The following FXN variants were observed in gnomAD, a reference collection of about 807,000 sequenced individuals.
FXN encodes the protein frataxin, mitochondrial.
In FXN, 14 loss-of-function variants were observed where a neutral mutation model predicts 22.4. The observed-to-expected ratio is 0.62, with a 90% CI of 0.41 to 0.98. The LOEUF (loss-of-function observed/expected upper bound fraction) is 0.98, where lower values mean the gene tolerates loss of function less well. Ranked by LOEUF, FXN falls within the 50% of genes least tolerant of loss-of-function variation. The pLI, the probability that FXN is intolerant of heterozygous loss-of-function variation, is 0.00. For synonymous variants in FXN, 120 were observed against 114.1 expected, an observed-to-expected ratio of 1.05 and a Z score of -0.33; for missense variants, 267 against 268.4, an observed-to-expected ratio of 0.99 and a Z score of 0.04.
intron 4 of FXN, 98 bp downstream of exon 4, chr9:69,065,133 G>A (rs951282908): frequency 3.4e-6 from 3 of 894,684 alleles, no homozygotes; most frequent in South Asian, 1.4e-5. Flanking sequence ...GAGCACAGTG[G>A]CTGACACCTG....
chr9:69,038,247 T>C (rs1478824995), intron 1 of FXN, among the ~76,000 whole-genome samples: 1 of 152,220 alleles, frequency 6.6e-6, no homozygotes, highest in African/African-American at 2.4e-5. Context: ...GCCACCATCC[T>C]GTTTAATTAT....
At chr9:69,054,304 G>A (rs1433971961) in intron 3 of FXN, among the ~76,000 whole-genome samples, 2 of 152,178 alleles carry the variant, frequency 1.3e-5, no homozygotes, top group Non-Finnish European at 2.9e-5. Context: ...CCGGCCTGGT[G>A]TGAGAACTTC....
intron 2 of FXN, among the ~76,000 whole-genome samples, chr9:69,047,277 A>G (rs185601450): frequency 6.6e-6 from 1 of 152,096 alleles, no homozygotes; most frequent in East Asian, 1.9e-4. Context: ...TCCAGGTGAC[A>G]TGCAGTCTCC....
At chr9:69,039,395 C>CACCA (rs1245181723) in intron 1 of FXN, among the ~76,000 whole-genome samples, 10 of 152,186 alleles carry the variant, frequency 6.6e-5, no homozygotes, top group African/African-American at 2.2e-4. Context: ...GGCTGGTGAC[C>CACCA]ACCACATGGG....
rs764728893 is a variant in FXN at position 69,072,594 on chromosome 9, A to C, written c.483-18A>C. 1 of 1,613,990 alleles carries C rather than the reference A, an allele frequency of 6.2e-7. No homozygotes were observed. The highest frequency in any genetic ancestry group is 1.1e-5 in the South Asian group (1 of 91,074). ...GGGCTGTGCTGTGGAATTACTATGC[A>C]TTTGTTTTGTCTTCCAGTGGACCTA... is the stretch of plus-strand genomic sequence containing the variant. On this transcript the variant is annotated intron_variant, in intron 4 of 4. Transcript: ENST00000484259.
At chr9:69,056,911 T>C (rs993729366) in intron 3 of FXN, among the ~76,000 whole-genome samples, 1 of 141,512 alleles carries the variant, frequency 7.1e-6, no homozygotes, top group African/African-American at 2.5e-5. Flanking sequence ...CCTGGCTAAT[T>C]TTTTTATATT....
At chr9:69,067,651 A>G (rs1382977128) in intron 4 of FXN, among the ~76,000 whole-genome samples, 2 of 152,220 alleles carry the variant, frequency 1.3e-5, no homozygotes, top group Non-Finnish European at 2.9e-5. Context: ...ATTATCAACA[A>G]TAAAGATCAT....
chr9:69,052,049 T>C (rs1034198775), intron 2 of FXN, among the ~76,000 whole-genome samples: 6 of 151,956 alleles, frequency 3.9e-5, no homozygotes, highest in African/African-American at 9.7e-5. Flanking sequence ...GGTTTCACCA[T>C]GTCAGCCAGG....
Position 69,078,699 on chromosome 9 carries a change from C to G in FXN, c.*5937C>G, listed in dbSNP as rs1832415146. 1 of 985,534 alleles carries G rather than the reference C, an allele frequency of 1.0e-6. No individual in the cohort carries two copies. Among genetic ancestry groups the G allele is most frequent in the African/African-American group, 1.7e-5 (1 of 57,250 alleles). 61.0% of individuals were successfully genotyped at this position (985,534 alleles called of 1,614,324 possible). ...TGTGCTGTGCTATTTTCACGTGGCT[C>G]TCAGACTTGGCCAGTGCTGTTTCCA... On this transcript the variant is annotated 3_prime_UTR_variant, in exon 5 of 5. Coordinates refer to ENST00000484259, the MANE Select transcript of FXN (RefSeq NM_000144.5).
Position 69,035,933 on chromosome 9 carries a change from A to C in FXN, c.151A>C (p.Thr51Pro). Residue 51 changes from threonine to proline, a missense_variant, in exon 1 of 5, where the codon ACG becomes CCG. Physicochemically the swap from Thr to Pro is conservative, Grantham distance 38. Transcript: ENST00000484259. ...GLRTDIDATC[T>P]PRRASSNQRG... ...GCGCACCGACATCGATGCGACCTGC[A>C]CGCCCCGCCGCGCAGTAAGTATCCG... The C allele has an allele frequency of 6.8e-7, 1 of 1,469,076 alleles. No individual in the cohort carries two copies. The highest frequency in any genetic ancestry group is 9.0e-7 in the Non-Finnish European group (1 of 1,115,884). 91.0% of individuals were successfully genotyped at this position (1,469,076 alleles called of 1,614,324 possible).
intron 3 of FXN, among the ~76,000 whole-genome samples, chr9:69,060,314 T>C (rs1832046394): frequency 1.3e-5 from 2 of 149,730 alleles, no homozygotes; most frequent in Middle Eastern, 3.4e-3. Context: ...GAGCTTGCAG[T>C]GAACCAAGAT....
At chr9:69,059,076 A>G (rs1362661441) in intron 3 of FXN, among the ~76,000 whole-genome samples, 1 of 152,124 alleles carries the variant, frequency 6.6e-6, no homozygotes, top group Non-Finnish European at 1.5e-5. Context: ...TTAAAAAAAA[A>G]GAAAAGAAAA....
In FXN at chr9:69,056,860, A is replaced by G. The variant is rs536403760; in HGVS notation, c.384+3600A>G. Among the ~76,000 whole-genome samples the G allele has an allele frequency of 2.8e-5, 4 of 142,114 alleles. No individual in the cohort carries two copies. The South Asian group carries it at 8.6e-4, about 31-fold the overall frequency. 93.2% of individuals were successfully genotyped at this position (142,114 alleles called of 152,430 possible). On this transcript the variant is annotated intron_variant, in intron 3 of 4. Transcript: ENST00000484259. ...TGGGTTCAAGTGATTCTCTTGCCTC[A>G]GCCTCCCGAGTAGCTGGGATTACAG...
intron 4 of FXN, among the ~76,000 whole-genome samples, chr9:69,066,959 A>G (rs73445270): frequency 0.02 from 3,054 of 152,196 alleles, 91 homozygotes; most frequent in African/African-American, 0.068. Flanking sequence ...CCCAGAGACC[A>G]CAGGCTCCCC....
chr9:69,050,784 CT>C (rs199872351), intron 2 of FXN, among the ~76,000 whole-genome samples: 58 of 146,060 alleles, frequency 4.0e-4, no homozygotes, highest in Admixed American at 4.8e-4. Flanking sequence ...TTGGCCAACT[CT>C]TTTTTTTTTT....
At chr9:69,054,288 C>T (rs1453516593) in intron 3 of FXN, among the ~76,000 whole-genome samples, 1 of 152,184 alleles carries the variant, frequency 6.6e-6, no homozygotes, top group Non-Finnish European at 1.5e-5. Flanking sequence ...GCGTGAGCCA[C>T]CAGGTCCGGC....
intron 1 of FXN, among the ~76,000 whole-genome samples, chr9:69,038,833 G>A (rs760245159): frequency 7.2e-5 from 11 of 152,146 alleles, no homozygotes; most frequent in South Asian, 2.1e-4. Context: ...TACTCTTTTC[G>A]TACTCATATA....
chr9:69,051,809 G>A (rs1831853643), intron 2 of FXN, among the ~76,000 whole-genome samples: 1 of 152,206 alleles, frequency 6.6e-6, no homozygotes, highest in African/African-American at 2.4e-5. Context: ...TCTTTAGAAG[G>A]ATAAACAGTG....
At chr9:69,064,391 T>C (rs890865781) in intron 3 of FXN, among the ~76,000 whole-genome samples, 2 of 152,210 alleles carry the variant, frequency 1.3e-5, no homozygotes, top group African/African-American at 2.4e-5. Flanking sequence ...AAAAACTTCA[T>C]CTGGAGTTTC....
Sources: allele counts gnomAD v4.1 joint callset (sites outside exome capture counted in the v4.1 genomes callset), GRCh38; gene constraint gnomAD v4.1.1; transcripts MANE v1.5; gene names NCBI Gene and HGNC (gene_info 2026-07-23, HGNC 2026-07-21).